Variants in MAF observed in about 807,000 individuals in gnomAD.
MAF encodes the protein transcription factor Maf.
In MAF, 10 loss-of-function variants were observed where a neutral mutation model predicts 22.0. That is an observed-to-expected ratio of 0.45 (90% CI 0.28 to 0.77). The LOEUF (loss-of-function observed/expected upper bound fraction) is 0.77, where lower values mean the gene tolerates loss of function less well. MAF is among the 30% of genes least tolerant of loss of function. The probability of loss-of-function intolerance (pLI) is 0.12; values close to 1 mark genes in which losing one functional copy is unlikely to be tolerated. For missense variants in MAF, 544 were observed against 548.4 expected, an observed-to-expected ratio of 0.99 and a Z score of 0.08; for synonymous variants, 337 against 255.8, an observed-to-expected ratio of 1.32 and a Z score of -3.03.
At chr16:79,589,939 G>C (rs1017440462), downstream of MAF, among the ~76,000 whole-genome samples, 1 of 152,170 alleles carries the variant, frequency 6.6e-6, no homozygotes, top group Non-Finnish European at 1.5e-5. Flanking sequence ...CCTGGGCACT[G>C]CCGCGGGTCT....
At chr16:79,485,785 C>T in the MAF span, among the ~76,000 whole-genome samples, 5 of 152,184 alleles carry the variant, frequency 3.3e-5, no homozygotes, top group Admixed American at 3.3e-4. Flanking sequence ...AAGCAGCACA[C>T]AGACTCGGTG....
the MAF span, among the ~76,000 whole-genome samples, chr16:79,530,517 T>C: frequency 6.6e-6 from 1 of 152,200 alleles, no homozygotes. Flanking sequence ...AAAATCAGCA[T>C]AAAATATTTA....
chr16:79,498,560 G>C, the MAF span, among the ~76,000 whole-genome samples: 2 of 152,164 alleles, frequency 1.3e-5, no homozygotes, highest in Non-Finnish European at 2.9e-5. Context: ...GCCCACCACT[G>C]TGCCAAGTGT....
chr16:79,492,348 A>G, the MAF span, among the ~76,000 whole-genome samples: 1 of 152,192 alleles, frequency 6.6e-6, no homozygotes, highest in African/African-American at 2.4e-5. Flanking sequence ...CAAAAAGTCA[A>G]AACAAATGCA....
At chr16:79,266,568 C>A in the MAF span, among the ~76,000 whole-genome samples, 1 of 152,114 alleles carries the variant, frequency 6.6e-6, no homozygotes, top group Non-Finnish European at 1.5e-5. Context: ...CTGGAAATAG[C>A]CATATGCATG....
At chr16:79,261,041 G>A in the MAF span, among the ~76,000 whole-genome samples, 1 of 152,168 alleles carries the variant, frequency 6.6e-6, no homozygotes, top group Non-Finnish European at 1.5e-5. Context: ...TTGAGATGAG[G>A]GCTGGGGCTG....
chr16:79,459,612 A>C, the MAF span, among the ~76,000 whole-genome samples: 6 of 151,748 alleles, frequency 4.0e-5, no homozygotes, highest in East Asian at 5.8e-4. Flanking sequence ...TCATTCTAAC[A>C]ACCGAGATAG....
At chr16:79,352,140 A>G in the MAF span, among the ~76,000 whole-genome samples, 1 of 152,024 alleles carries the variant, frequency 6.6e-6, no homozygotes, top group South Asian at 2.1e-4. Context: ...TGAATCACAA[A>G]ATGTTCTGCC....
chr16:79,398,272 A>G, the MAF span, among the ~76,000 whole-genome samples: 177 of 152,338 alleles, frequency 1.2e-3, no homozygotes, highest in African/African-American at 4.1e-3. Context: ...AAGATAATCC[A>G]GGATAATCTC....
chr16:79,544,571 G>C, the MAF span, among the ~76,000 whole-genome samples: 1 of 152,036 alleles, frequency 6.6e-6, no homozygotes, highest in Non-Finnish European at 1.5e-5. Flanking sequence ...TCAGGAGATC[G>C]AGACCATCGT....
the MAF span, among the ~76,000 whole-genome samples, chr16:79,311,851 G>A: frequency 7.2e-5 from 11 of 152,238 alleles, no homozygotes; most frequent in South Asian, 1.0e-3. Flanking sequence ...CGGAGTGAAC[G>A]CATCCCTGAG....
chr16:79,326,112 T>C, the MAF span, among the ~76,000 whole-genome samples: 72 of 152,324 alleles, frequency 4.7e-4, no homozygotes, highest in Non-Finnish European at 7.9e-4. Context: ...CAAAATATAG[T>C]TTTGCCCATA....
At chr16:79,206,513 A>G in the MAF span, 2 of 152,216 alleles carry the variant, frequency 1.3e-5, no homozygotes, top group African/African-American at 2.4e-5. Flanking sequence ...TTAGGCAACA[A>G]TGCTTACAAA....
At chr16:79,455,527 G>T in the MAF span, among the ~76,000 whole-genome samples, 6 of 152,224 alleles carry the variant, frequency 3.9e-5, no homozygotes, top group South Asian at 1.2e-3. Flanking sequence ...AACTCCTCTA[G>T]TCTTCCAGCC....
the MAF span, among the ~76,000 whole-genome samples, chr16:79,541,595 G>T: frequency 1.3e-5 from 2 of 151,832 alleles, no homozygotes; most frequent in East Asian, 3.9e-4. Flanking sequence ...GGTGAAAGAC[G>T]AGACCCTAAT....
chr16:79,406,644 T>C, the MAF span, among the ~76,000 whole-genome samples: 1 of 152,162 alleles, frequency 6.6e-6, no homozygotes, highest in African/African-American at 2.4e-5. Context: ...CATTGGGGGA[T>C]AGGATTTCAA....
At chr16:79,454,599 A>G in the MAF span, among the ~76,000 whole-genome samples, 1 of 152,192 alleles carries the variant, frequency 6.6e-6, no homozygotes, top group Non-Finnish European at 1.5e-5. Flanking sequence ...CATTTCCCCT[A>G]AAGGAAAATG....
chr16:79,359,457 C>T, the MAF span, among the ~76,000 whole-genome samples: 14 of 152,298 alleles, frequency 9.2e-5, no homozygotes, highest in Non-Finnish European at 1.5e-4. Flanking sequence ...AATGCACTGT[C>T]CTCAAAGTTG....
chr16:79,250,185 T>C, the MAF span, among the ~76,000 whole-genome samples: 3 of 152,248 alleles, frequency 2.0e-5, no homozygotes, highest in East Asian at 1.9e-4. Context: ...CCAGGGATTC[T>C]GGGTCCCTCC....
Sources: allele counts gnomAD v4.1 joint callset (sites outside exome capture counted in the v4.1 genomes callset), GRCh38; gene constraint gnomAD v4.1.1; transcripts MANE v1.5; gene names NCBI Gene and HGNC (gene_info 2026-07-23, HGNC 2026-07-21).